The following KSR2 variants were observed in gnomAD, a reference collection of about 807,000 sequenced individuals.
KSR2 encodes kinase suppressor of ras 2.
KSR2 carries 25 observed loss-of-function variants against 107.8 expected under a neutral mutation model. The observed-to-expected ratio is 0.23, with a 90% CI of 0.17 to 0.32. The LOEUF (loss-of-function observed/expected upper bound fraction) is 0.32. Among genes scored for constraint, KSR2 ranks in the 10% least tolerant of loss-of-function variants. The probability of loss-of-function intolerance (pLI) is 1.00; values close to 1 mark genes in which losing one functional copy is unlikely to be tolerated. For missense variants in KSR2, 887 were observed against 1,268.9 expected, an observed-to-expected ratio of 0.70 and a Z score of 4.57; for synonymous variants, 480 against 507.0, an observed-to-expected ratio of 0.95 and a Z score of 0.71.
chr12:117,635,620 G>T (rs1409000180), intron 5 of KSR2, among the ~76,000 whole-genome samples: 2 of 152,114 alleles, frequency 1.3e-5, no homozygotes, highest in African/African-American at 4.8e-5. Context: ...ATTTTTTAAT[G>T]AGATAAATAT....
chr12:117,837,417 T>A (rs1892266134), intron 3 of KSR2, among the ~76,000 whole-genome samples: 1 of 152,170 alleles, frequency 6.6e-6, no homozygotes, highest in African/African-American at 2.4e-5. Flanking sequence ...GGGCAGCGCC[T>A]CCTGGTGGCC....
chr12:117,526,039 T>C (rs1387982923), intron 13 of KSR2, among the ~76,000 whole-genome samples: 1 of 152,200 alleles, frequency 6.6e-6, no homozygotes, highest in African/African-American at 2.4e-5. Context: ...TGTGAGGTTT[T>C]AGATGAAGGC....
intron 4 of KSR2, among the ~76,000 whole-genome samples, chr12:117,679,467 G>A (rs577899434): frequency 7.8e-4 from 119 of 152,306 alleles, no homozygotes; most frequent in Non-Finnish European, 1.3e-3. Context: ...CACTTCAGAG[G>A]TCTAAAGGGA....
At chr12:117,941,085 A>C (rs1206593596) in intron 1 of KSR2, among the ~76,000 whole-genome samples, 1 of 152,082 alleles carries the variant, frequency 6.6e-6, no homozygotes, top group African/African-American at 2.4e-5. Flanking sequence ...ATTGTGTCTC[A>C]AAAAAATAAT....
chr12:117,855,806 G>A (rs1255312574), intron 2 of KSR2, among the ~76,000 whole-genome samples: 2 of 152,138 alleles, frequency 1.3e-5, no homozygotes, highest in African/African-American at 4.8e-5. Flanking sequence ...ACTCCTAAGT[G>A]TCCATACTTG....
chr12:117,761,874 C>T (rs896652866), intron 3 of KSR2, among the ~76,000 whole-genome samples: 1 of 152,198 alleles, frequency 6.6e-6, no homozygotes, highest in Non-Finnish European at 1.5e-5. Context: ...ACACCATATG[C>T]ATGTCACATT....
rs185674566 is a variant in KSR2, at chr12:117,925,919, C to A, written c.180+42157G>T. Among the ~76,000 whole-genome samples, 26 of 152,226 alleles carry A rather than the reference C, an allele frequency of 1.7e-4. No homozygotes were observed. In the East Asian group the frequency reaches 4.8e-3, roughly 28 times the overall value. On this transcript the variant is annotated intron_variant, in intron 1 of 19. Transcript: ENST00000339824. ...GATATTCTTCATGTAGGTCTGGAAT[C>A]AAACAACAGAGAAAAGCCTGTAATC...
At chr12:117,936,326 C>A (rs1471371887) in intron 1 of KSR2, among the ~76,000 whole-genome samples, 1 of 151,764 alleles carries the variant, frequency 6.6e-6, no homozygotes, top group South Asian at 2.1e-4. Flanking sequence ...CCACACCAGG[C>A]CTAAATTATT....
At chr12:117,756,756 A>T (rs1209834348) in intron 4 of KSR2, among the ~76,000 whole-genome samples, 1 of 152,212 alleles carries the variant, frequency 6.6e-6, no homozygotes, top group African/African-American at 2.4e-5. Context: ...GGAAAAGTAA[A>T]ATAAAAACCT....
At chr12:117,845,924 G>A (rs1892688144) in intron 3 of KSR2, among the ~76,000 whole-genome samples, 1 of 150,188 alleles carries the variant, frequency 6.7e-6, no homozygotes, top group African/African-American at 2.5e-5. Flanking sequence ...TCCTGCACTT[G>A]AGCAATCCAC....
At chr12:117,954,276 C>T (rs1896445357) in intron 1 of KSR2, among the ~76,000 whole-genome samples, 1 of 152,140 alleles carries the variant, frequency 6.6e-6, no homozygotes, top group African/African-American at 2.4e-5. Flanking sequence ...TTTTCAGATG[C>T]TCAGACATCA....
chr12:117,592,126 T>C (rs534679477), intron 5 of KSR2, among the ~76,000 whole-genome samples: 6 of 151,958 alleles, frequency 3.9e-5, no homozygotes, highest in African/African-American at 1.4e-4. Flanking sequence ...CCCAACTTTT[T>C]TTTTTTTTTT....
At chr12:117,476,995 C>T (rs748314003) in intron 16 of KSR2, among the ~76,000 whole-genome samples, 16 of 152,150 alleles carry the variant, frequency 1.1e-4, no homozygotes, top group Non-Finnish European at 1.8e-4. Flanking sequence ...TAATTTTAAC[C>T]CTAAAAACAA....
At chr12:117,785,168 C>A (rs1041724602) in intron 3 of KSR2, among the ~76,000 whole-genome samples, 41 of 151,956 alleles carry the variant, frequency 2.7e-4, no homozygotes, top group African/African-American at 8.9e-4. Flanking sequence ...TAATCCCAGC[C>A]CTTTGGGAGG....
Position 117,907,494 on chromosome 12 carries a change from C to T in KSR2, c.181-47063G>A, listed in dbSNP as rs1423907818. ...GCTGCACCCCTCTCCCAACACCATC[C>T]GCTAACTAATCTACGGGGCTGGATT... On this transcript the variant is annotated intron_variant, in intron 1 of 19. Coordinates refer to ENST00000339824, the MANE Select transcript of KSR2 (RefSeq NM_173598.6). The surrounding 1 kb of genome is among the most constrained non-coding windows in gnomAD (Gnocchi z 4.3). 1.3e-5 allele frequency among the ~76,000 whole-genome samples: 2 copies of T among 152,270 alleles called. No individual in the cohort carries two copies. Among genetic ancestry groups the T allele is most frequent in the South Asian group, 4.1e-4 (2 of 4,826 alleles).
At chr12:117,786,628 C>T (rs1890084188) in intron 3 of KSR2, among the ~76,000 whole-genome samples, 1 of 152,080 alleles carries the variant, frequency 6.6e-6, no homozygotes, top group African/African-American at 2.4e-5. Flanking sequence ...CAAGCCTAGC[C>T]AACATGGTGA....
intron 7 of KSR2, among the ~76,000 whole-genome samples, chr12:117,562,450 C>G (rs1172761113): frequency 6.6e-6 from 1 of 152,178 alleles, no homozygotes; most frequent in African/African-American, 2.4e-5. Flanking sequence ...CTTGGAATAG[C>G]TGGACTCCAC....
chr12:117,575,006 A>G (rs1879186769), intron 7 of KSR2, among the ~76,000 whole-genome samples: 1 of 152,104 alleles, frequency 6.6e-6, no homozygotes, highest in African/African-American at 2.4e-5. Flanking sequence ...ACTTTTGCAA[A>G]GTTCTCACTC....
At chr12:117,867,860 A>T (rs1029842544) in intron 1 of KSR2, among the ~76,000 whole-genome samples, 2 of 152,080 alleles carry the variant, frequency 1.3e-5, no homozygotes, top group African/African-American at 4.8e-5. Context: ...CATTATGGGG[A>T]CCCGTAGCTA....
Sources: allele counts gnomAD v4.1 joint callset (sites outside exome capture counted in the v4.1 genomes callset), GRCh38; gene constraint gnomAD v4.1.1; non-coding constraint Gnocchi (gnomAD v3.1); transcripts MANE v1.5; gene names NCBI Gene and HGNC (gene_info 2026-07-23, HGNC 2026-07-21).